The following GSAP variants were observed in gnomAD, a reference collection of about 807,000 sequenced individuals.
GSAP encodes gamma-secretase activating protein.
A neutral mutation model predicts 131.7 loss-of-function variants in GSAP; 118 were observed. The ratio of observed to expected loss-of-function variants is 0.90; its 90% CI spans 0.77 to 1.04. The LOEUF (loss-of-function observed/expected upper bound fraction) is 1.04, where lower values mean the gene tolerates loss of function less well. GSAP is among the 50% of genes least tolerant of loss of function. The probability of loss-of-function intolerance (pLI) is 0.00; values close to 1 mark genes in which losing one functional copy is unlikely to be tolerated. For missense variants in GSAP, 1,019 were observed against 1,013.2 expected, an observed-to-expected ratio of 1.01 and a Z score of -0.08; for synonymous variants, 381 against 363.4, an observed-to-expected ratio of 1.05 and a Z score of -0.55.
At position 77,406,092 on chromosome 7, in the gene GSAP, G is replaced by A. The variant is rs144142632; in HGVS notation, c.123C>T (p.Asn41=). ...TTAATACATGTAAGCTCTCATAATCGTTTTCTAAAACATCTGAAATGATAA... is the reference window on the plus strand; with the variant it reads ...TTAATACATGTAAGCTCTCATAATCATTTTCTAAAACATCTGAAATGATAA... The part of the protein sequence containing the change: ...AGSGGADVLE[N]DYESLHVLNV... The change falls in exon 2 of 31, where the codon AAC becomes AAT. Residue 41 remains asparagine, a synonymous_variant. Coordinates refer to ENST00000257626, the MANE Select transcript of GSAP (RefSeq NM_017439.4). 22 of 1,234,424 alleles carry A rather than the reference G, an allele frequency of 1.8e-5. No homozygotes were observed. The African/African-American group carries it at 2.6e-4, about 14-fold the overall frequency. 76.5% of individuals were successfully genotyped at this position (1,234,424 alleles called of 1,614,324 possible). A position where few individuals can be genotyped will look rare whatever the true frequency, so the allele number is the denominator to read the frequency against.
At chr7:77,374,627 T>C (rs1252522433) in intron 11 of GSAP, among the ~76,000 whole-genome samples, 1 of 151,890 alleles carries the variant, frequency 6.6e-6, no homozygotes, top group African/African-American at 2.4e-5. Flanking sequence ...ACCTTGTCTT[T>C]TGTGTAAAAA....
In GSAP at chr7:77,311,327, G is replaced by A; in HGVS notation, c.*31C>T. 8.2e-7 allele frequency: 1 copy of A among 1,220,756 alleles called. No homozygotes were observed. Among genetic ancestry groups the A allele is most frequent in the Non-Finnish European group, 1.2e-6 (1 of 822,438 alleles). The allele number at this position is 1,220,756 out of a possible 1,614,324, so 75.6% of individuals were successfully genotyped here. A position where few individuals can be genotyped will look rare whatever the true frequency, so the allele number is the denominator to read the frequency against. ...TAAGGTTAATGAGCAAGATTAAAAT[G>A]GCAGCAGCAGATCCAATTGCGTTTT... is the stretch of plus-strand genomic sequence containing the variant. On this transcript the variant is annotated 3_prime_UTR_variant, in exon 31 of 31. Transcript: ENST00000257626.
chr7:77,318,374 T>G (rs1255378755), intron 26 of GSAP, among the ~76,000 whole-genome samples: 1 of 152,234 alleles, frequency 6.6e-6, no homozygotes, highest in Non-Finnish European at 1.5e-5. Flanking sequence ...TACTAATTTG[T>G]GTGTACTTTC....
chr7:77,386,325 A>G (rs903567712), intron 6 of GSAP, among the ~76,000 whole-genome samples: 37 of 152,222 alleles, frequency 2.4e-4, no homozygotes, highest in Non-Finnish European at 4.3e-4. Context: ...ACTCGTGTAT[A>G]CTAACTATCC....
At position 77,328,194 on chromosome 7, in the gene GSAP, G is replaced by A. The variant is rs564194655; in HGVS notation, c.1765+412C>T. The A allele has an allele frequency of 6.9e-5, 69 of 997,532 alleles. No homozygotes were observed. In the African/African-American group the frequency reaches 9.9e-4, roughly 14 times the overall value. The allele number at this position is 997,532 out of a possible 1,614,324, so 61.8% of individuals were successfully genotyped here. ...GAAGCTCCTCATCTTTATGCCTCTA[G>A]GACCTGTGTGCCCAATTTTTAACCC... is the stretch of plus-strand genomic sequence containing the variant. On this transcript the variant is annotated intron_variant, in intron 22 of 30. Coordinates refer to ENST00000257626, the MANE Select transcript of GSAP (RefSeq NM_017439.4).
chr7:77,391,132 AAAAAAAAAAAAAAAAG>A (rs1411711402), intron 5 of GSAP, among the ~76,000 whole-genome samples: 1 of 111,274 alleles, frequency 9.0e-6, no homozygotes, highest in Middle Eastern at 4.5e-3. Flanking sequence ...TCTCAAAAAA[AAAAAAAAAAAAAAAAG>A]AAAAAGAAAA....
intron 1 of GSAP, among the ~76,000 whole-genome samples, chr7:77,407,382 A>AT (rs1160343239): frequency 1.3e-5 from 2 of 151,954 alleles, no homozygotes; most frequent in Admixed American, 6.6e-5. Flanking sequence ...TCCACTTGAG[A>AT]TTTTTTCCTC....
intron 18 of GSAP, among the ~76,000 whole-genome samples, chr7:77,350,572 TAAAA>T (rs368824065): frequency 8.2e-6 from 1 of 121,270 alleles, no homozygotes; most frequent in African/African-American, 3.0e-5. Flanking sequence ...CCCGCTCTAC[TAAAA>T]AAAAAAAAAA....
intron 8 of GSAP, among the ~76,000 whole-genome samples, chr7:77,378,018 A>G (rs764988816): frequency 3.1e-4 from 47 of 152,222 alleles, no homozygotes; most frequent in Non-Finnish European, 5.7e-4. Flanking sequence ...GATGTAGTAT[A>G]ATCCTCACCT....
At chr7:77,346,704 T>TA (rs1268377438) in intron 19 of GSAP, among the ~76,000 whole-genome samples, 1 of 148,246 alleles carries the variant, frequency 6.7e-6, no homozygotes, top group African/African-American at 2.5e-5. Context: ...AGTGAGACCC[T>TA]ACCTCAAAAA....
intron 3 of GSAP, among the ~76,000 whole-genome samples, 174 bp from the exon 4 acceptor site, chr7:77,397,589 A>T (rs1333121074): frequency 6.6e-6 from 1 of 152,206 alleles, no homozygotes; most frequent in East Asian, 1.9e-4. Context: ...TACCAAAAAA[A>T]AGTTTGCTAT....
At chr7:77,399,275 G>A (rs1800931577) in intron 3 of GSAP, among the ~76,000 whole-genome samples, 1 of 152,154 alleles carries the variant, frequency 6.6e-6, no homozygotes, top group Non-Finnish European at 1.5e-5. Flanking sequence ...ACAGAATGGG[G>A]TGTTACTTCA....
chr7:77,382,050 C>A (rs1413395935), intron 7 of GSAP, among the ~76,000 whole-genome samples: 2 of 149,388 alleles, frequency 1.3e-5, no homozygotes, highest in Admixed American at 6.8e-5. Flanking sequence ...CCAGTAAATT[C>A]TGTCCTTCCT....
intron 22 of GSAP, chr7:77,326,545 T>C: frequency 3.2e-6 from 1 of 310,754 alleles, no homozygotes; most frequent in Non-Finnish European, 6.0e-6. Flanking sequence ...TAAAACTCAC[T>C]GCTAAGAACC....
At chr7:77,355,787 G>GTTTGTTTTT (rs1793606880) in intron 14 of GSAP, 140 bp from the exon 15 acceptor site, 1 of 274,572 alleles carries the variant, frequency 3.6e-6, no homozygotes, top group African/African-American at 3.3e-5. Flanking sequence ...ATGACAGCCC[G>GTTTGTTTTT]TTTTTTTTTT....
intron 5 of GSAP, among the ~76,000 whole-genome samples, chr7:77,393,528 C>A (rs1426490542): frequency 6.6e-6 from 1 of 152,006 alleles, no homozygotes; most frequent in Non-Finnish European, 1.5e-5. Flanking sequence ...CCTTCCTGCC[C>A]CTCCCATACA....
chr7:77,323,988 C>G (rs1182430696), intron 23 of GSAP, among the ~76,000 whole-genome samples: 1 of 152,202 alleles, frequency 6.6e-6, no homozygotes, highest in Admixed American at 6.5e-5. Flanking sequence ...GCGAGTAAGG[C>G]TCTAACTCTG....
intron 21 of GSAP, among the ~76,000 whole-genome samples, chr7:77,328,943 C>T (rs1788699060): frequency 6.6e-6 from 1 of 151,952 alleles, no homozygotes; most frequent in Admixed American, 6.6e-5. Flanking sequence ...TTTTAGTACT[C>T]TGAGATGACT....
At chr7:77,320,281 T>C (rs1787449951) in intron 26 of GSAP, among the ~76,000 whole-genome samples, 1 of 152,174 alleles carries the variant, frequency 6.6e-6, no homozygotes, top group Non-Finnish European at 1.5e-5. Context: ...CCCCAGGATG[T>C]TTTGTGGCCT....
Sources: gnomAD v4.1 joint callset for allele counts (sites outside exome capture counted in the v4.1 genomes callset) on GRCh38, gnomAD v4.1.1 for gene constraint, MANE v1.5 for transcripts, NCBI Gene and HGNC (gene_info 2026-07-23, HGNC 2026-07-21) for gene names.